The following HMGCLL1 variants were observed in gnomAD, a reference collection of about 807,000 sequenced individuals.
HMGCLL1 encodes the protein 3-hydroxymethyl-3-methylglutaryl-CoA lyase, cytoplasmic.
Under a neutral mutation model 39.1 loss-of-function variants are expected in HMGCLL1, and 36 were observed. The observed-to-expected ratio is 0.92, with a 90% CI of 0.71 to 1.22. The LOEUF (loss-of-function observed/expected upper bound fraction) is 1.22. Among genes scored for constraint, HMGCLL1 ranks in the 50% most tolerant of loss-of-function variants. The pLI is 0.00. For missense variants in HMGCLL1, 451 were observed against 416.5 expected (o/e 1.08, Z -0.72); for synonymous variants, 149 against 144.0 (o/e 1.03, Z -0.25).
chr6:55,573,984 T>C (rs558668790), intron 1 of HMGCLL1, among the ~76,000 whole-genome samples: 1 of 152,118 alleles, frequency 6.6e-6, no homozygotes, highest in Non-Finnish European at 1.5e-5. Context: ...AAATCGCTGA[T>C]TTTATTGTAA....
chr6:55,572,509 TA>T (rs1469181567), intron 1 of HMGCLL1, among the ~76,000 whole-genome samples: 15 of 152,260 alleles, frequency 9.9e-5, no homozygotes, highest in African/African-American at 3.6e-4. Flanking sequence ...ATATATTCAT[TA>T]CCTTTATAAC....
chr6:55,622,380 C>G, the HMGCLL1 span, among the ~76,000 whole-genome samples: 1 of 152,032 alleles, frequency 6.6e-6, no homozygotes, highest in South Asian at 2.1e-4. Context: ...AGTTTTTACT[C>G]ATTCAATATT....
At chr6:55,499,172 C>A in intron 6 of HMGCLL1, 64 bp downstream of exon 6, 7 of 1,263,918 alleles carry the variant, frequency 5.5e-6, no homozygotes, top group Non-Finnish European at 6.8e-6. Context: ...ATTAAGAAAG[C>A]CCCCTTTTAA....
chr6:55,435,642 A>G lies in HMGCLL1; in HGVS notation c.*20T>C. On this transcript the variant is annotated 3_prime_UTR_variant, in exon 9 of 9. Coordinates refer to ENST00000274901, the MANE Select transcript of HMGCLL1 (RefSeq NM_001042406.2). ...AGCTGAAATTGATCTTCTCAACGGT[A>G]CGTCATAAATCCATTCAAGTCAAGC... 1.4e-6 allele frequency: 2 copies of G among 1,383,782 alleles called. No homozygotes were observed. Among genetic ancestry groups the G allele is most frequent in the Non-Finnish European group, 2.0e-6 (2 of 987,646 alleles). The allele number at this position is 1,383,782 out of a possible 1,614,324, so 85.7% of individuals were successfully genotyped here.
At chr6:55,447,273 G>A (rs909032783) in intron 7 of HMGCLL1, among the ~76,000 whole-genome samples, 4 of 151,972 alleles carry the variant, frequency 2.6e-5, no homozygotes, top group Admixed American at 6.6e-5. Context: ...CATAATATAC[G>A]TGATAGGTAA....
upstream of HMGCLL1, among the ~76,000 whole-genome samples, chr6:55,582,608 G>T (rs1283983590): frequency 6.6e-6 from 1 of 151,956 alleles, no homozygotes; most frequent in Non-Finnish European, 1.5e-5. Flanking sequence ...AATTATACAT[G>T]TTTCCCCAAG....
the HMGCLL1 span, among the ~76,000 whole-genome samples, chr6:55,651,786 C>T: frequency 6.6e-6 from 1 of 152,098 alleles, no homozygotes; most frequent in Non-Finnish European, 1.5e-5. Flanking sequence ...AGGTGATGCC[C>T]TTCTGACTAG....
the HMGCLL1 span, among the ~76,000 whole-genome samples, chr6:55,644,735 C>T: frequency 4.6e-5 from 7 of 151,896 alleles, no homozygotes; most frequent in South Asian, 1.5e-3. Context: ...TCTGGGTTTT[C>T]TATTCTGTTC....
At chr6:55,577,180 A>C in intron 1 of HMGCLL1, 2 of 1,564,342 alleles carry the variant, frequency 1.3e-6, no homozygotes. Flanking sequence ...AGGAAGATAA[A>C]GTTCAAAAAG....
chr6:55,636,985 A>T, the HMGCLL1 span, among the ~76,000 whole-genome samples: 1 of 152,276 alleles, frequency 6.6e-6, no homozygotes, highest in African/African-American at 2.4e-5. Flanking sequence ...TAATAAAATT[A>T]CTTCCTCCAC....
At chr6:55,483,904 T>G (rs1765870933) in intron 7 of HMGCLL1, among the ~76,000 whole-genome samples, 1 of 152,198 alleles carries the variant, frequency 6.6e-6, no homozygotes, top group Non-Finnish European at 1.5e-5. Flanking sequence ...GAATAGAAAT[T>G]CCAGAGACAG....
chr6:55,591,661 G>A, the HMGCLL1 span, among the ~76,000 whole-genome samples: 1 of 145,882 alleles, frequency 6.9e-6, no homozygotes, highest in African/African-American at 2.5e-5. Flanking sequence ...AACTAATGAA[G>A]TTTTACTCTA....
intron 7 of HMGCLL1, among the ~76,000 whole-genome samples, chr6:55,448,514 T>A (rs1205726406): frequency 6.6e-6 from 1 of 151,954 alleles, no homozygotes; most frequent in Admixed American, 6.6e-5. Flanking sequence ...CAAATGAACT[T>A]TATTAATAAA....
rs545972876 is a variant in HMGCLL1 at position 55,561,438 on chromosome 6, C to T, written c.108+17510G>A. ...CATGGACTTTTAGATCAGTGGTTCT[C>T]AAACTTTAATGTGCATATGAATCCC... is the stretch of plus-strand genomic sequence containing the variant. On this transcript the variant is annotated intron_variant, in intron 1 of 8. Coordinates refer to ENST00000274901, the MANE Select transcript of HMGCLL1 (RefSeq NM_001042406.2). 3.3e-5 allele frequency among the ~76,000 whole-genome samples: 5 copies of T among 152,186 alleles called. No homozygotes were observed. In the South Asian group the frequency reaches 1.0e-3, roughly 32 times the overall value.
chr6:55,577,210 G>A (rs1340994762), intron 1 of HMGCLL1: 8 of 1,539,038 alleles, frequency 5.2e-6, no homozygotes, highest in Non-Finnish European at 7.0e-6. Flanking sequence ...AGATGTTAGT[G>A]CTGCTGTGAG....
At chr6:55,666,585 T>C in the HMGCLL1 span, among the ~76,000 whole-genome samples, 1 of 151,698 alleles carries the variant, frequency 6.6e-6, no homozygotes, top group African/African-American at 2.4e-5. Context: ...CAAATTATCA[T>C]AGATTCATAG....
chr6:55,611,903 G>A, the HMGCLL1 span, among the ~76,000 whole-genome samples: 1 of 152,098 alleles, frequency 6.6e-6, no homozygotes, highest in Non-Finnish European at 1.5e-5. Context: ...ACAAGAAAAG[G>A]ATGCCCCCTC....
At chr6:55,469,161 G>A (rs377518599) in intron 7 of HMGCLL1, among the ~76,000 whole-genome samples, 1 of 140,534 alleles carries the variant, frequency 7.1e-6, no homozygotes, top group Non-Finnish European at 1.6e-5. Context: ...AAAAAAAAAA[G>A]AAAAAAAGAT....
Position 55,552,953 on chromosome 6 carries a change from C to T in HMGCLL1, c.109-10813G>A, listed in dbSNP as rs530943549. 6.7e-4 allele frequency among the ~76,000 whole-genome samples: 102 copies of T among 151,888 alleles called. 2 individuals carry two copies. The highest frequency in any genetic ancestry group is 1.8e-3 in the African/African-American group (76 of 41,280). ...GGTCAAGAGTTCAAGACCAGCCTGG[C>T]TAACATGGTGCAACCCCGTTTCTAC... is the stretch of plus-strand genomic sequence containing the variant. On this transcript the variant is annotated intron_variant, in intron 1 of 8. Transcript: ENST00000274901.
Sources: gnomAD v4.1 joint callset for allele counts (sites outside exome capture counted in the v4.1 genomes callset) on GRCh38, gnomAD v4.1.1 for gene constraint, MANE v1.5 for transcripts, NCBI Gene and HGNC (gene_info 2026-07-23, HGNC 2026-07-21) for gene names.